ST18: variants seen among roughly 807,000 people sequenced by gnomAD.
ST18 encodes ST18 C2H2C-type zinc finger transcription factor.
A neutral mutation model predicts 110.0 loss-of-function variants in ST18; 50 were observed. That is an observed-to-expected ratio of 0.45 (90% CI 0.36 to 0.58). ST18 has a LOEUF of 0.58. Among genes scored for constraint, ST18 ranks in the 20% least tolerant of loss-of-function variants. The pLI, the probability that ST18 is intolerant of heterozygous loss-of-function variation, is 0.00. For synonymous variants in ST18, 461 were observed against 452.4 expected, an observed-to-expected ratio of 1.02 and a Z score of -0.24; for missense variants, 1,306 against 1,280.1, an observed-to-expected ratio of 1.02 and a Z score of -0.31.
chr8:52,320,478 TC>T (rs1406358691), intron 2 of ST18, among the ~76,000 whole-genome samples: 2 of 152,218 alleles, frequency 1.3e-5, no homozygotes, highest in East Asian at 3.9e-4. Flanking sequence ...CACAAGGAAT[TC>T]TTTTTCAGTA....
chr8:52,116,223 T>C, intron 25 of ST18, 52 bp downstream of exon 25: 2 of 1,586,214 alleles, frequency 1.3e-6, no homozygotes, highest in East Asian at 2.2e-5. Context: ...AGATGCATGA[T>C]GACACTGCAA....
chr8:52,194,821 C>T (rs1013239289), intron 8 of ST18: 7 of 152,292 alleles, frequency 4.6e-5, no homozygotes, highest in Admixed American at 4.6e-4. Context: ...ATGAACTGAT[C>T]AGTTCCAAAG....
chr8:52,120,515 G>A (rs1047174682), intron 23 of ST18, among the ~76,000 whole-genome samples: 5 of 152,170 alleles, frequency 3.3e-5, no homozygotes, highest in African/African-American at 1.2e-4. Flanking sequence ...GAAGGAGGCA[G>A]GCCTGTGAAA....
chr8:52,222,199 G>A (rs1303947862), intron 3 of ST18: 3 of 152,210 alleles, frequency 2.0e-5, no homozygotes, highest in Non-Finnish European at 4.4e-5. Context: ...ACATAAGGGA[G>A]TAGCTGTAAA....
chr8:52,167,790 G>T (rs1394364489), intron 10 of ST18, among the ~76,000 whole-genome samples: 1 of 152,154 alleles, frequency 6.6e-6, no homozygotes, highest in East Asian at 1.9e-4. Flanking sequence ...ACACCAGTGT[G>T]GGTGGGGCCC....
At chr8:52,220,972 C>T (rs897537197) in intron 4 of ST18, 124 bp from the exon 5 acceptor site, 2 of 152,148 alleles carry the variant, frequency 1.3e-5, no homozygotes, top group African/African-American at 4.8e-5. Flanking sequence ...TTTGATTGTA[C>T]TACAGTAGAA....
At chr8:52,245,522 A>G (rs987828682) in intron 2 of ST18, among the ~76,000 whole-genome samples, 1 of 152,102 alleles carries the variant, frequency 6.6e-6, no homozygotes, top group Non-Finnish European at 1.5e-5. Context: ...TAGGGAATTA[A>G]GTTAAGCTAG....
intron 15 of ST18, among the ~76,000 whole-genome samples, chr8:52,153,334 A>C (rs1167994128): frequency 1.3e-5 from 2 of 152,166 alleles, no homozygotes; most frequent in Non-Finnish European, 2.9e-5. Flanking sequence ...GAAGTGCAAA[A>C]CTAAGTGTCC....
chr8:52,180,571 T>C (rs894119234), intron 8 of ST18, among the ~76,000 whole-genome samples: 1 of 152,088 alleles, frequency 6.6e-6, no homozygotes, highest in Non-Finnish European at 1.5e-5. Flanking sequence ...GTGCTTTGCT[T>C]GGCACTACAC....
At chr8:52,154,219 AG>A (rs1434801556) in intron 15 of ST18, among the ~76,000 whole-genome samples, 3 of 152,236 alleles carry the variant, frequency 2.0e-5, no homozygotes, top group Admixed American at 1.3e-4. Context: ...AGGCGGCATC[AG>A]GGTTCTCACC....
intron 17 of ST18, among the ~76,000 whole-genome samples, chr8:52,140,790 C>T (rs2054702464): frequency 1.3e-5 from 2 of 152,074 alleles, no homozygotes; most frequent in Non-Finnish European, 1.5e-5. Flanking sequence ...GGTTAATTTT[C>T]AATCATTTAC....
Position 52,297,823 on chromosome 8 carries a change from A to G in ST18, c.-464-67746T>C, listed in dbSNP as rs143615681. 1.9e-3 allele frequency among the ~76,000 whole-genome samples: 291 copies of G among 152,350 alleles called. 4 individuals carry two copies. Among genetic ancestry groups the G allele is most frequent in the African/African-American group, 6.5e-3 (271 of 41,578 alleles). On this transcript the variant is annotated intron_variant, in intron 2 of 25. Transcript: ENST00000689386. The stretch of plus-strand genomic sequence containing the variant: ...AAATGGACACTTTTTCTAAATGTCT[A>G]CTATGCATGCCCAGGAAAAAAAGTG...
At chr8:52,135,770 A>G (rs1023996467) in intron 19 of ST18, among the ~76,000 whole-genome samples, 4 of 152,086 alleles carry the variant, frequency 2.6e-5, no homozygotes, top group African/African-American at 9.7e-5. Flanking sequence ...AAAAAAGTGA[A>G]GGACTAACAA....
intron 8 of ST18, among the ~76,000 whole-genome samples, chr8:52,181,861 A>C (rs1467658521): frequency 2.0e-5 from 3 of 152,126 alleles, no homozygotes; most frequent in Non-Finnish European, 4.4e-5. Context: ...TTCTTTGTCA[A>C]AGGAGACTGG....
chr8:52,137,287 A>C (rs1327473757), intron 18 of ST18, 134 bp downstream of exon 18: 1 of 876,790 alleles, frequency 1.1e-6, no homozygotes, highest in Non-Finnish European at 1.7e-6. Flanking sequence ...TTTATTTCTG[A>C]AAAAGAAAAT....
chr8:52,207,221 C>T lies in ST18; in HGVS notation c.86+4858G>A, dbSNP rs190597073. 3.0e-3 allele frequency among the ~76,000 whole-genome samples: 462 copies of T among 152,298 alleles called. 2 individuals are homozygous for T. The highest frequency in any genetic ancestry group is 0.011 in the African/African-American group (446 of 41,562). On this transcript the variant is annotated intron_variant, in intron 8 of 25. Transcript: ENST00000689386. The stretch of plus-strand genomic sequence containing the variant: ...TATAACTAGGCCAGGCATGGTGGCT[C>T]ACACCTATAATCCCAGCACTTTGGG...
intron 2 of ST18, among the ~76,000 whole-genome samples, chr8:52,381,974 C>CA (rs869193937): frequency 0.033 from 1,626 of 49,424 alleles, 38 homozygotes; most frequent in African/African-American, 0.051. Flanking sequence ...CATTAAAAAA[C>CA]AAAAAAAAAC....
Position 52,178,630 on chromosome 8 carries a change from A to AAC in ST18, c.277+1491_277+1492insGT, listed in dbSNP as rs1563896304. ...AGACTCCATCAAAAAAAAAAAAAAA[A>AAC]AAAAAAAAAAAAACCACCAAAAACC... On this transcript the variant is annotated intron_variant, in intron 9 of 25. Transcript: ENST00000689386. Among the ~76,000 whole-genome samples the AAC allele has an allele frequency of 2.3e-5, 3 of 130,748 alleles. 1 individual carries two copies. The highest frequency in any genetic ancestry group is 1.0e-4 in the African/African-American group (3 of 28,790). The allele number at this position is 130,748 out of a possible 152,430, so 85.8% of individuals were successfully genotyped here. A position where few individuals can be genotyped will look rare whatever the true frequency, so the allele number is the denominator to read the frequency against.
chr8:52,202,280 AAC>A (rs1014445871), intron 8 of ST18, among the ~76,000 whole-genome samples: 1 of 149,038 alleles, frequency 6.7e-6, no homozygotes, highest in African/African-American at 2.5e-5. Context: ...TCTCAAAACA[AAC>A]AGGGGTAGAT....
Sources: gnomAD v4.1 joint callset for allele counts (sites outside exome capture counted in the v4.1 genomes callset) on GRCh38, gnomAD v4.1.1 for gene constraint, MANE v1.5 for transcripts, NCBI Gene and HGNC (gene_info 2026-07-23, HGNC 2026-07-21) for gene names.